Variants in COX7B2 observed in about 807,000 individuals in gnomAD.
COX7B2 encodes the protein cytochrome c oxidase subunit 7B2, mitochondrial.
For synonymous variants in COX7B2, 37 were observed against 32.1 expected (o/e 1.15, Z -0.51); for missense variants, 109 against 95.9 (o/e 1.14, Z -0.57).
At chr4:46,746,769 T>C (rs1328460000) in intron 2 of COX7B2, among the ~76,000 whole-genome samples, 1 of 152,198 alleles carries the variant, frequency 6.6e-6, no homozygotes, top group Admixed American at 6.5e-5. Flanking sequence ...CCAAGGTTTT[T>C]AGTGCATGAC....
chr4:46,759,943 A>G (rs143094796), intron 2 of COX7B2, among the ~76,000 whole-genome samples: 1,653 of 151,636 alleles, frequency 0.011, 19 homozygotes, highest in Middle Eastern at 0.041. Flanking sequence ...TATATGTTAT[A>G]TAAGTCTTAT....
intron 1 of COX7B2, among the ~76,000 whole-genome samples, chr4:46,861,354 GA>G (rs1717324012): frequency 6.6e-6 from 1 of 152,106 alleles, no homozygotes; most frequent in South Asian, 2.1e-4. Flanking sequence ...CTATTCTTGA[GA>G]AAAAGTAGGT....
chr4:46,838,623 C>G (rs1191068705), intron 2 of COX7B2, among the ~76,000 whole-genome samples: 4 of 151,902 alleles, frequency 2.6e-5, no homozygotes, highest in African/African-American at 7.3e-5. Flanking sequence ...TACCTTGATG[C>G]CTTATTGGTA....
intron 2 of COX7B2, among the ~76,000 whole-genome samples, chr4:46,805,960 T>A (rs1718975221): frequency 6.6e-6 from 1 of 152,192 alleles, no homozygotes; most frequent in South Asian, 2.1e-4. Flanking sequence ...GATTTTTTCT[T>A]CTTCCTTTAT....
intron 2 of COX7B2, among the ~76,000 whole-genome samples, chr4:46,816,174 G>A (rs1462053103): frequency 6.6e-6 from 1 of 152,098 alleles, no homozygotes; most frequent in Non-Finnish European, 1.5e-5. Flanking sequence ...GAATATTTGT[G>A]AATGAAACAA....
chr4:46,840,116 G>C (rs1225231518), intron 2 of COX7B2, among the ~76,000 whole-genome samples: 1 of 151,854 alleles, frequency 6.6e-6, no homozygotes, highest in African/African-American at 2.4e-5. Context: ...TAAAGTCTCA[G>C]TAATTTCTGG....
rs1227733032 is a variant in COX7B2 at position 46,788,567 on chromosome 4, T to A, written c.-49-53326A>T. Among the ~76,000 whole-genome samples the A allele has an allele frequency of 1.8e-4, 28 of 152,156 alleles. 1 individual carries two copies. Among genetic ancestry groups the A allele is most frequent in the Admixed American group, 1.8e-3 (28 of 15,274 alleles). ...CCTAGCCAACATGCTTTGACCCAAA[T>A]GGTAATGTTTAGAATCCTTGGTTTC... On this transcript the variant is annotated intron_variant, in intron 2 of 2. Coordinates refer to ENST00000355591, the MANE Select transcript of COX7B2 (RefSeq NM_130902.3).
intron 2 of COX7B2, among the ~76,000 whole-genome samples, chr4:46,786,695 C>G (rs1285062902): frequency 6.6e-6 from 1 of 152,078 alleles, no homozygotes; most frequent in Admixed American, 6.5e-5. Context: ...CCTGAAGAAG[C>G]CTGCCTTTTA....
intron 1 of COX7B2, among the ~76,000 whole-genome samples, chr4:46,908,860 T>G (rs1720568414): frequency 6.6e-6 from 1 of 150,410 alleles, no homozygotes; most frequent in Non-Finnish European, 1.5e-5. Context: ...GCTAACATGG[T>G]GAAACCCCGT....
At chr4:46,819,864 T>G (rs1002882937) in intron 2 of COX7B2, among the ~76,000 whole-genome samples, 2 of 152,188 alleles carry the variant, frequency 1.3e-5, no homozygotes, top group African/African-American at 4.8e-5. Flanking sequence ...AATCCTTACT[T>G]GGGACTAGAC....
intron 2 of COX7B2, among the ~76,000 whole-genome samples, chr4:46,836,719 T>C (rs536091770): frequency 1.3e-5 from 2 of 152,124 alleles, no homozygotes; most frequent in African/African-American, 2.4e-5. Flanking sequence ...ATGTGATAGA[T>C]TTGTTATGAC....
intron 2 of COX7B2, among the ~76,000 whole-genome samples, chr4:46,748,573 TC>T (rs1715163253): frequency 6.6e-6 from 1 of 152,172 alleles, no homozygotes; most frequent in Non-Finnish European, 1.5e-5. Context: ...CAGTTTTCAT[TC>T]CCTAATTCTA....
chr4:46,799,782 T>A (rs910585787), intron 2 of COX7B2, among the ~76,000 whole-genome samples: 1 of 152,190 alleles, frequency 6.6e-6, no homozygotes, highest in African/African-American at 2.4e-5. Context: ...TTTTTGTTTA[T>A]GTTCATCAGA....
At chr4:46,752,453 A>G (rs1715445637) in intron 2 of COX7B2, among the ~76,000 whole-genome samples, 1 of 152,072 alleles carries the variant, frequency 6.6e-6, no homozygotes, top group South Asian at 2.1e-4. Flanking sequence ...TTCCAACACT[A>G]TGTTGAATAC....
At chr4:46,886,944 G>GA (rs1050211452) in intron 1 of COX7B2, among the ~76,000 whole-genome samples, 46 of 152,046 alleles carry the variant, frequency 3.0e-4, no homozygotes, top group Non-Finnish European at 5.3e-4. Flanking sequence ...AATTGGTGTG[G>GA]AAAAAAAATC....
intron 1 of COX7B2, among the ~76,000 whole-genome samples, chr4:46,852,401 C>T (rs758153429): frequency 6.6e-6 from 1 of 152,000 alleles, no homozygotes; most frequent in Non-Finnish European, 1.5e-5. Context: ...TGCCCTAACC[C>T]TGAAATCAAC....
At chr4:46,885,868 C>G (rs1166176399) in intron 1 of COX7B2, among the ~76,000 whole-genome samples, 1 of 152,090 alleles carries the variant, frequency 6.6e-6, no homozygotes, top group Non-Finnish European at 1.5e-5. Context: ...CACAGAGAAA[C>G]AGTATACAAG....
intron 1 of COX7B2, among the ~76,000 whole-genome samples, chr4:46,880,785 T>C (rs564988539): frequency 9.4e-4 from 135 of 143,934 alleles, no homozygotes; most frequent in Non-Finnish European, 1.1e-3. Flanking sequence ...TAGGTGGGAA[T>C]TGAACAATGA....
chr4:46,771,149 A>C (rs1049278899), intron 2 of COX7B2, among the ~76,000 whole-genome samples: 3 of 152,222 alleles, frequency 2.0e-5, no homozygotes, highest in African/African-American at 7.2e-5. Context: ...AAAACAAGAA[A>C]AGGATCTGAA....
Sources: allele counts gnomAD v4.1 joint callset (sites outside exome capture counted in the v4.1 genomes callset), GRCh38; gene constraint gnomAD v4.1.1; transcripts MANE v1.5; gene names NCBI Gene and HGNC (gene_info 2026-07-23, HGNC 2026-07-21).